SOX5: variants seen among roughly 807,000 people sequenced by gnomAD.
The protein encoded by SOX5 is transcription factor SOX-5.
SOX5 carries 9 observed loss-of-function variants against 92.0 expected under a neutral mutation model. The ratio of observed to expected loss-of-function variants is 0.10; its 90% CI spans 0.06 to 0.17. The LOEUF (loss-of-function observed/expected upper bound fraction) is 0.17. Ranked by LOEUF, SOX5 falls within the 10% of genes least tolerant of loss-of-function variation. The pLI, the probability that SOX5 is intolerant of heterozygous loss-of-function variation, is 1.00. For missense variants in SOX5, 642 were observed against 944.5 expected, an observed-to-expected ratio of 0.68 and a Z score of 4.20; for synonymous variants, 344 against 336.3, an observed-to-expected ratio of 1.02 and a Z score of -0.25.
chr12:23,577,411 C>A, intron 9 of SOX5, among the ~76,000 whole-genome samples: 1 of 151,530 alleles, frequency 6.6e-6, no homozygotes. Flanking sequence ...TGTTGGCCAG[C>A]TAGTCTTGAA....
chr12:24,245,018 T>G (rs1253412972), intron 3 of SOX5, among the ~76,000 whole-genome samples: 1 of 152,182 alleles, frequency 6.6e-6, no homozygotes, highest in Non-Finnish European at 1.5e-5. Context: ...CCTAGTTATA[T>G]CTGACTCATG....
chr12:24,296,174 T>A (rs1336956907), intron 2 of SOX5, among the ~76,000 whole-genome samples: 2 of 152,258 alleles, frequency 1.3e-5, no homozygotes, highest in African/African-American at 4.8e-5. Context: ...ACTTAGTTTC[T>A]GCATTAGCAG....
chr12:24,012,601 C>T (rs1953077337), intron 4 of SOX5, among the ~76,000 whole-genome samples: 2 of 152,122 alleles, frequency 1.3e-5, no homozygotes, highest in African/African-American at 4.8e-5. Flanking sequence ...CAAATCTAGG[C>T]TTTGTACTTG....
chr12:24,116,449 T>C (rs535270626), intron 4 of SOX5, among the ~76,000 whole-genome samples: 193 of 152,286 alleles, frequency 1.3e-3, no homozygotes, highest in African/African-American at 4.4e-3. Flanking sequence ...AAAAACTTAA[T>C]GTTATATGCA....
intron 2 of SOX5, among the ~76,000 whole-genome samples, chr12:24,346,258 G>C (rs1004420250): frequency 2.0e-5 from 3 of 152,176 alleles, no homozygotes; most frequent in African/African-American, 7.2e-5. Context: ...AGAAAAGTCA[G>C]ATGAGAAGTC....
intron 6 of SOX5, among the ~76,000 whole-genome samples, chr12:23,688,128 C>T (rs2087987552): frequency 6.6e-6 from 1 of 151,942 alleles, no homozygotes; most frequent in South Asian, 2.1e-4. Flanking sequence ...CTTGCAAATG[C>T]CTTTTATATG....
At chr12:24,505,104 T>C (rs1270666859) in intron 1 of SOX5, among the ~76,000 whole-genome samples, 3 of 152,268 alleles carry the variant, frequency 2.0e-5, no homozygotes, top group Non-Finnish European at 4.4e-5. Flanking sequence ...GTTATAAACC[T>C]ATGCCTACAT....
intron 1 of SOX5, among the ~76,000 whole-genome samples, chr12:24,492,818 G>C (rs775463610): frequency 3.3e-5 from 5 of 152,042 alleles, no homozygotes; most frequent in Non-Finnish European, 7.4e-5. Context: ...TCAGGTGTTA[G>C]GTTTCAGATG....
chr12:24,277,369 CAT>C (rs1279130253), intron 2 of SOX5: 1 of 118,038 alleles, frequency 8.5e-6, no homozygotes, highest in Admixed American at 8.7e-5. Context: ...TAAATATGAA[CAT>C]ATGACTCTTG....
At chr12:23,655,897 A>G (rs1050594322) in intron 7 of SOX5, among the ~76,000 whole-genome samples, 10 of 152,170 alleles carry the variant, frequency 6.6e-5, no homozygotes, top group Admixed American at 6.6e-4. Context: ...AAAACTCTTG[A>G]CATCCTTTTC....
chr12:24,085,559 T>C (rs1407225819), intron 4 of SOX5, among the ~76,000 whole-genome samples: 1 of 152,100 alleles, frequency 6.6e-6, no homozygotes, highest in Non-Finnish European at 1.5e-5. Context: ...TTATATTTTG[T>C]TAATTATTTG....
At chr12:23,855,411 A>G (rs1052560633) in intron 2 of SOX5, among the ~76,000 whole-genome samples, 9 of 152,098 alleles carry the variant, frequency 5.9e-5, no homozygotes, top group Non-Finnish European at 1.3e-4. Context: ...TAACTCAGGG[A>G]AACAATCAAA....
intron 1 of SOX5, among the ~76,000 whole-genome samples, chr12:24,415,760 G>A (rs1056638981): frequency 3.9e-5 from 6 of 152,152 alleles, no homozygotes; most frequent in African/African-American, 1.4e-4. Context: ...TAGTATTGTT[G>A]AGCAATATCC....
intron 5 of SOX5, among the ~76,000 whole-genome samples, chr12:23,740,384 G>T (rs1034663800): frequency 6.6e-6 from 1 of 151,842 alleles, no homozygotes; most frequent in Non-Finnish European, 1.5e-5. Flanking sequence ...CTTTGTCCAC[G>T]GTCATTACCC....
At chr12:24,083,634 T>C (rs1472844074) in intron 4 of SOX5, among the ~76,000 whole-genome samples, 2 of 151,980 alleles carry the variant, frequency 1.3e-5, no homozygotes, top group African/African-American at 2.4e-5. Context: ...TTACCACAGT[T>C]ATTGAGTAGC....
At chr12:24,276,167 T>C (rs902856998) in intron 3 of SOX5, among the ~76,000 whole-genome samples, 39 of 152,160 alleles carry the variant, frequency 2.6e-4, no homozygotes, top group Admixed American at 2.3e-3. Flanking sequence ...TTGTGACTTA[T>C]TCCACTTTTG....
chr12:24,273,868 G>A lies in SOX5; in HGVS notation c.-77+3348C>T, dbSNP rs73284924. Among the ~76,000 whole-genome samples, 1,101 of 152,224 alleles carry A rather than the reference G, an allele frequency of 7.2e-3. 7 individuals carry two copies. Among genetic ancestry groups the A allele is most frequent in the African/African-American group, 0.025 (1,047 of 41,554 alleles). On this transcript the variant is annotated intron_variant, in intron 3 of 4. Transcript: ENST00000446891. ...TATAGGCATTCTGTAATTGTTATAT[G>A]TAGGATATCTATTATTGTTTAGTCT... is the stretch of plus-strand genomic sequence containing the variant.
rs1938562591 is a variant in SOX5 at position 23,529,681 on chromosome 12, A to ATGAT, written c.*4534_*4537dup. The ATGAT allele has an allele frequency of 6.6e-6, 1 of 152,164 alleles. No homozygotes were observed. Among genetic ancestry groups the ATGAT allele is most frequent in the Admixed American group, 6.5e-5 (1 of 15,282 alleles). 9.4% of individuals were successfully genotyped at this position (152,164 alleles called of 1,614,324 possible). On this transcript the variant is annotated 3_prime_UTR_variant, in exon 15 of 15. Transcript: ENST00000451604. Reference sequence around the variant, plus strand: ...CTGTTTTATTTTTATTGTGGCATGAATGATAACATAAAACCAAAAACATGA... The same window carrying ATGAT: ...CTGTTTTATTTTTATTGTGGCATGAATGATTGATAACATAAAACCAAAAACATGA...
chr12:24,299,983 T>G (rs1947765557), intron 2 of SOX5, among the ~76,000 whole-genome samples: 1 of 152,194 alleles, frequency 6.6e-6, no homozygotes, highest in South Asian at 2.1e-4. Context: ...CTGGAGGCAT[T>G]TCCTAAAGAA....
Sources: gnomAD v4.1 joint callset for allele counts (sites outside exome capture counted in the v4.1 genomes callset) on GRCh38, gnomAD v4.1.1 for gene constraint, MANE v1.5 for transcripts, NCBI Gene and HGNC (gene_info 2026-07-23, HGNC 2026-07-21) for gene names.